NLK: variants seen among roughly 807,000 people sequenced by gnomAD.
NLK encodes the protein nemo like kinase.
NLK carries 11 observed loss-of-function variants against 59.0 expected under a neutral mutation model. That is an observed-to-expected ratio of 0.19 (90% confidence interval 0.12 to 0.31). NLK has a LOEUF of 0.31. Ranked by LOEUF, NLK falls within the 10% of genes least tolerant of loss-of-function variation. NLK has a pLI of 1.00. For missense variants in NLK, 410 were observed against 661.1 expected (o/e 0.62, Z 4.16); for synonymous variants, 235 against 235.9 (o/e 1.00, Z 0.03).
At chr17:28,065,071 G>T (rs887783129) in intron 1 of NLK, among the ~76,000 whole-genome samples, 2 of 151,898 alleles carry the variant, frequency 1.3e-5, no homozygotes, top group Admixed American at 6.6e-5. Flanking sequence ...ATTCCTACCC[G>T]GGAGAAACTT....
Position 28,066,440 on chromosome 17 carries a change from G to A in NLK, c.458+23109G>A, listed in dbSNP as rs770326266. Reference sequence around the variant, plus strand: ...CCAGTGGGCACATTTCAGTCCTTACGATTTATGTTGCATGTACTAATAGTT... The same window carrying A: ...CCAGTGGGCACATTTCAGTCCTTACAATTTATGTTGCATGTACTAATAGTT... On this transcript the variant is annotated intron_variant, in intron 1 of 10. Coordinates refer to ENST00000407008, the MANE Select transcript of NLK (RefSeq NM_016231.5). 1.2e-3 allele frequency among the ~76,000 whole-genome samples: 181 copies of A among 152,122 alleles called. 1 individual carries two copies. Among genetic ancestry groups the A allele is most frequent in the Non-Finnish European group, 8.4e-4 (57 of 68,026 alleles).
chr17:28,148,614 C>T (rs1042641241), intron 3 of NLK, among the ~76,000 whole-genome samples: 1 of 152,098 alleles, frequency 6.6e-6, no homozygotes, highest in Non-Finnish European at 1.5e-5. Context: ...ATTTGTCAGA[C>T]ATTTCTTCAC....
intron 5 of NLK, among the ~76,000 whole-genome samples, chr17:28,166,247 A>G (rs1421696494): frequency 6.6e-6 from 1 of 152,136 alleles, no homozygotes; most frequent in African/African-American, 2.4e-5. Flanking sequence ...ATTTGAACAT[A>G]TTTGATGAAC....
At chr17:28,168,710 A>G in intron 6 of NLK, 53 bp downstream of exon 6, 1 of 1,407,680 alleles carries the variant, frequency 7.1e-7, no homozygotes, top group Non-Finnish European at 1.0e-6. Context: ...ATTTGAAGGA[A>G]AATCCATCTT....
At chr17:28,105,914 A>G (rs1296647737) in intron 1 of NLK, among the ~76,000 whole-genome samples, 1 of 152,226 alleles carries the variant, frequency 6.6e-6, no homozygotes. Flanking sequence ...CTACCAACAT[A>G]TAAAGAAAAT....
At chr17:28,192,619 G>T (rs1316038603) in intron 10 of NLK, among the ~76,000 whole-genome samples, 1 of 151,786 alleles carries the variant, frequency 6.6e-6, no homozygotes, top group Non-Finnish European at 1.5e-5. Flanking sequence ...GGTGAGCCGA[G>T]ATCGCACCAT....
intron 1 of NLK, among the ~76,000 whole-genome samples, chr17:28,105,929 G>A (rs1163631856): frequency 6.6e-6 from 1 of 152,140 alleles, no homozygotes; most frequent in Non-Finnish European, 1.5e-5. Flanking sequence ...GAAAATTTCT[G>A]TTTGCAATGT....
chr17:28,118,585 T>C (rs1905883052), intron 1 of NLK, among the ~76,000 whole-genome samples: 1 of 152,174 alleles, frequency 6.6e-6, no homozygotes, highest in Non-Finnish European at 1.5e-5. Context: ...ACTTTTCTGC[T>C]TGTCAGTAAT....
At chr17:28,142,193 C>T (rs968741336) in intron 3 of NLK, among the ~76,000 whole-genome samples, 1 of 152,062 alleles carries the variant, frequency 6.6e-6, no homozygotes, top group African/African-American at 2.4e-5. Context: ...GACAGCTTTC[C>T]CGCTTTTTTC....
intron 3 of NLK, among the ~76,000 whole-genome samples, chr17:28,143,644 C>T (rs1390511510): frequency 6.6e-6 from 1 of 152,180 alleles, no homozygotes; most frequent in Admixed American, 6.5e-5. Context: ...CTTTATTTTG[C>T]TATCTGAAAG....
chr17:28,054,924 C>T (rs991844687), intron 1 of NLK, among the ~76,000 whole-genome samples: 1 of 152,138 alleles, frequency 6.6e-6, no homozygotes, highest in Non-Finnish European at 1.5e-5. Context: ...TAGTGGCACA[C>T]ACTTTCAGTC....
intron 1 of NLK, among the ~76,000 whole-genome samples, chr17:28,046,237 T>C (rs1909047433): frequency 6.6e-6 from 1 of 152,224 alleles, no homozygotes; most frequent in African/African-American, 2.4e-5. Flanking sequence ...TATCTTTCTG[T>C]TGAATTTAAC....
chr17:28,090,926 G>C (rs1904470425), intron 1 of NLK, among the ~76,000 whole-genome samples: 1 of 152,010 alleles, frequency 6.6e-6, no homozygotes, highest in Admixed American at 6.5e-5. Context: ...TGAGCAATTT[G>C]ATTGTGATGT....
At chr17:28,113,010 A>G (rs916799778) in intron 1 of NLK, among the ~76,000 whole-genome samples, 2 of 152,208 alleles carry the variant, frequency 1.3e-5, no homozygotes, top group Admixed American at 6.5e-5. Flanking sequence ...GTATAGATGT[A>G]TATCTATATG....
rs1906766172 is a variant in NLK at position 28,136,792 on chromosome 17, G to A, written c.644+4117G>A. On this transcript the variant is annotated intron_variant, in intron 3 of 10. Transcript: ENST00000407008. ...CTAATTTTGTATTTTTAGTACAGAC[G>A]AGGTTTCACCATGTTGACCACGCTG... 1.3e-5 allele frequency among the ~76,000 whole-genome samples: 2 copies of A among 151,832 alleles called. 1 individual carries two copies. Among genetic ancestry groups the A allele is most frequent in the South Asian group, 4.1e-4 (2 of 4,824 alleles).
chr17:28,177,314 C>G (rs1908723694), intron 7 of NLK, among the ~76,000 whole-genome samples: 1 of 152,172 alleles, frequency 6.6e-6, no homozygotes, highest in Non-Finnish European at 1.5e-5. Flanking sequence ...ATTTGACTGT[C>G]ATCTTAAAGT....
At chr17:28,139,901 CAT>C (rs1491375758) in intron 3 of NLK, among the ~76,000 whole-genome samples, 20 of 152,214 alleles carry the variant, frequency 1.3e-4, no homozygotes, top group African/African-American at 3.1e-4. Context: ...GGATAACTAA[CAT>C]GTGGTAGAAT....
Position 28,194,716 on chromosome 17 carries a change from A to T in NLK, c.*80A>T. 1.1e-6 allele frequency: 1 copy of T among 872,960 alleles called. No homozygotes were observed. Among genetic ancestry groups the T allele is most frequent in the South Asian group, 2.2e-5 (1 of 46,386 alleles). 54.1% of individuals were successfully genotyped at this position (872,960 alleles called of 1,614,324 possible). A position where few individuals can be genotyped will look rare whatever the true frequency, so the allele number is the denominator to read the frequency against. On this transcript the variant is annotated 3_prime_UTR_variant, in exon 11 of 11. Coordinates refer to ENST00000407008, the MANE Select transcript of NLK (RefSeq NM_016231.5). ...GGATTTGCAATTCTGGAGGTTAATCATGCTTGTACTGTAATTTTACTAATG... is the reference window on the plus strand; with the variant it reads ...GGATTTGCAATTCTGGAGGTTAATCTTGCTTGTACTGTAATTTTACTAATG...
intron 1 of NLK, among the ~76,000 whole-genome samples, chr17:28,122,107 T>C (rs1906091786): frequency 6.6e-6 from 1 of 152,206 alleles, no homozygotes; most frequent in African/African-American, 2.4e-5. Flanking sequence ...AACTGCTGCT[T>C]ATATTGAAGT....
Sources: gnomAD v4.1 joint callset for allele counts (sites outside exome capture counted in the v4.1 genomes callset) on GRCh38, gnomAD v4.1.1 for gene constraint, MANE v1.5 for transcripts, NCBI Gene and HGNC (gene_info 2026-07-23, HGNC 2026-07-21) for gene names.